Variants in SSX3 observed in about 807,000 individuals in gnomAD.
SSX3 encodes the protein SSX family member 3, also known as protein SSX3.
In SSX3, 6 loss-of-function variants were observed where a neutral mutation model predicts 14.8. The ratio of observed to expected loss-of-function variants is 0.41; its 90% CI spans 0.22 to 0.80. SSX3 has a LOEUF of 0.80. Ranked by LOEUF, SSX3 falls within the 30% of genes least tolerant of loss-of-function variation. SSX3 has a pLI of 0.34. For synonymous variants in SSX3, 55 were observed against 52.9 expected (o/e 1.04, Z -0.18); for missense variants, 163 against 152.2 (o/e 1.07, Z -0.37).
intron 5 of SSX3, 33 bp from the exon 6 acceptor site, chrX:48,350,155 T>G: frequency 8.3e-7 from 1 of 1,208,718 alleles, no homozygotes. Flanking sequence ...ATAAATAGTA[T>G]CAGTGACATT....
intron 6 of SSX3, chrX:48,348,241 C>A (rs184337982): frequency 1.1e-4 from 49 of 453,134 alleles, no homozygotes; most frequent in Non-Finnish European, 1.7e-4. Context: ...GCCTTACAAA[C>A]AATCCATTTA....
chrX:48,354,269 T>C (rs1239803503), intron 3 of SSX3, among the ~76,000 whole-genome samples, 175 bp from the exon 4 acceptor site: 6 of 102,178 alleles, frequency 5.9e-5, no homozygotes, highest in African/African-American at 2.2e-4. Context: ...AGGTGACAGA[T>C]TCAGACTGAC....
intron 7 of SSX3, 37 bp downstream of exon 7, chrX:48,347,463 T>C: frequency 8.3e-7 from 1 of 1,207,124 alleles, no homozygotes; most frequent in Non-Finnish European, 1.1e-6. Context: ...ATAGCACATC[T>C]GCAGGGATGC....
rs1278182056 is a variant in SSX3, at chrX:48,350,114, G to A, written c.339C>T (p.Pro113=). 3 of 1,211,408 alleles carry A rather than the reference G, an allele frequency of 2.5e-6. No homozygotes were observed. The highest frequency in any genetic ancestry group is 5.9e-5 in the East Asian group (2 of 33,846). The change falls in exon 6 of 8, where the codon CCC becomes CCT. Residue 113 remains proline (P), a synonymous_variant. Transcript: ENST00000298396. ...RLQGIFPKIM[P]KKPAEEGNVS... ...CATTTCCTTCCTCTGCTGGCTTCTT[G>A]GGCATGATCTTTATAATGTGAAGGT...
In SSX3 at chrX:48,354,005, T is replaced by A. The variant is rs782723573; in HGVS notation, c.274A>T (p.Asn92Tyr). Residue 92 changes from asparagine (N) to tyrosine (Y), a missense_variant, in exon 4 of 8, where the codon AAT (asparagine) becomes TAT (tyrosine). Coordinates refer to ENST00000298396, the MANE Select transcript of SSX3 (RefSeq NM_021014.4). ...CCCCTTCCCATCTACTCACCCTGAT[T>A]CCCACGGTTAGGGTCATTATCAAAA... ...NDFDNDPNRG[N>Y]QVQRPQMTFG... is the part of the protein sequence containing the mutation. 7.8e-5 allele frequency: 94 copies of A among 1,205,653 alleles called. No homozygotes were observed. The South Asian group carries it at 1.6e-3, about 20-fold the overall frequency.
At chrX:48,351,166 C>T (rs1188283136) in intron 5 of SSX3, among the ~76,000 whole-genome samples, 1 of 112,195 alleles carries the variant, frequency 8.9e-6, no homozygotes, top group Non-Finnish European at 1.9e-5. Context: ...TGTAAACACT[C>T]TTTAAATGTA....
chrX:48,348,317 T>C, intron 6 of SSX3: 2 of 508,213 alleles, frequency 3.9e-6, no homozygotes, highest in Admixed American at 2.8e-5. Flanking sequence ...TTGTGTGTAA[T>C]TGTTTTGGGG....
chrX:48,351,114 C>T (rs1270685718), intron 5 of SSX3, among the ~76,000 whole-genome samples: 1 of 111,673 alleles, frequency 9.0e-6, no homozygotes, highest in Non-Finnish European at 1.9e-5. Context: ...AAATAGTGAA[C>T]CATACATGTA....
intron 5 of SSX3, among the ~76,000 whole-genome samples, chrX:48,351,165 T>G (rs1246751859): frequency 2.7e-5 from 3 of 112,158 alleles, no homozygotes; most frequent in African/African-American, 9.7e-5. Flanking sequence ...TTGTAAACAC[T>G]CTTTAAATGT....
rs1454526133 is a variant in SSX3 at position 48,347,527 on chromosome X, C to T, written c.544G>A (p.Asp182Asn). 1 of 1,208,620 alleles carries T rather than the reference C, an allele frequency of 8.3e-7. No individual in the cohort carries two copies. The highest frequency in any genetic ancestry group is 1.1e-6 in the Non-Finnish European group (1 of 895,111). The change falls in exon 7 of 8, where the codon GAT (aspartate) becomes AAT (asparagine). Residue 182 changes from aspartate to asparagine, a missense_variant. By Grantham distance (23) the Asp-to-Asn change is conservative. Coordinates refer to ENST00000298396, the MANE Select transcript of SSX3 (RefSeq NM_021014.4). The stretch of plus-strand genomic sequence containing the variant: ...AGTTACTCATCATCTTCCTCAGGAT[C>T]GCTGATCTCTTCATAAATCACCAGC... ...KQLVIYEEIS[D>N]PEEDDE is the part of the protein sequence containing the mutation.
intron 6 of SSX3, among the ~76,000 whole-genome samples, chrX:48,348,737 G>A (rs1319691092): frequency 3.6e-5 from 4 of 112,453 alleles, no homozygotes; most frequent in African/African-American, 6.5e-5. Context: ...GTGAACACAC[G>A]AATAAGAAAG....
In SSX3 at chrX:48,348,519, G is replaced by C. The variant is rs190283804; in HGVS notation, c.467-915C>G. 322 of 480,147 alleles carry C rather than the reference G, an allele frequency of 6.7e-4. 1 individual carries two copies. In the African/African-American group the frequency reaches 7.1e-3, roughly 11 times the overall value. The allele number at this position is 480,147 out of a possible 1,213,427, so 39.6% of individuals were successfully genotyped here. A position where few individuals can be genotyped will look rare whatever the true frequency, so the allele number is the denominator to read the frequency against. ...ATGGCCGTTAAGTGTTCAAATGAAAGGAAGAGTCGCATGCCTTTCACTCTA... is the reference window on the plus strand; with the variant it reads ...ATGGCCGTTAAGTGTTCAAATGAAACGAAGAGTCGCATGCCTTTCACTCTA... On this transcript the variant is annotated intron_variant, in intron 6 of 7. Transcript: ENST00000298396.
At chrX:48,354,603 A>G (rs1307723787) in intron 3 of SSX3, 29 bp downstream of exon 3, 4 of 1,177,958 alleles carry the variant, frequency 3.4e-6, no homozygotes, top group Middle Eastern at 2.7e-4. Flanking sequence ...GTGTCCCCAG[A>G]CTTGTCTGTA....
rs781972738 is a variant in SSX3 at position 48,347,424 on chromosome X, G to T, written c.*4+76C>A. ...GAAGGGAATGATTTGGGGAGCAAGT[G>T]ACAGATGGGATGCCAGTATCATAAC... On this transcript the variant is annotated intron_variant, in intron 7 of 7. Coordinates refer to ENST00000298396, the MANE Select transcript of SSX3 (RefSeq NM_021014.4). The T allele has an allele frequency of 2.5e-6, 3 of 1,181,445 alleles. No individual in the cohort carries two copies. The South Asian group carries it at 5.4e-5, about 21-fold the overall frequency.
chrX:48,352,855 T>C (rs1372360828), intron 4 of SSX3, among the ~76,000 whole-genome samples: 3 of 112,352 alleles, frequency 2.7e-5, no homozygotes, highest in Non-Finnish European at 5.6e-5. Flanking sequence ...TTTTTCATCC[T>C]ATGTTATCTC....
At chrX:48,353,028 T>A (rs1569461612) in intron 4 of SSX3, among the ~76,000 whole-genome samples, 1 of 111,624 alleles carries the variant, frequency 9.0e-6, no homozygotes, top group South Asian at 3.8e-4. Flanking sequence ...ACATAATGTG[T>A]TCATCAACCT....
At position 48,346,905 on chromosome X, in the gene SSX3, C is replaced by T; in HGVS notation, c.*135G>A. On this transcript the variant is annotated 3_prime_UTR_variant, in exon 8 of 8. Transcript: ENST00000298396. ...GCACACTAAGAAAAATGACGCTCAA[C>T]TTTTCACTGTTGTGAACACTTGCTT... The T allele has an allele frequency of 9.0e-7, 1 of 1,108,655 alleles. No homozygotes were observed. The highest frequency in any genetic ancestry group is 1.2e-6 in the Non-Finnish European group (1 of 815,135). The allele number at this position is 1,108,655 out of a possible 1,213,427, so 91.4% of individuals were successfully genotyped here. A position where few individuals can be genotyped will look rare whatever the true frequency, so the allele number is the denominator to read the frequency against.
intron 2 of SSX3, 93 bp downstream of exon 2, chrX:48,355,088 T>C: frequency 8.3e-7 from 1 of 1,203,188 alleles, no homozygotes; most frequent in African/African-American, 1.7e-5. Flanking sequence ...CCCTGCTCCT[T>C]GTCTCCAGTA....
At chrX:48,351,958 G>A (rs1401316112) in intron 5 of SSX3, 142 bp downstream of exon 5, 23 of 761,558 alleles carry the variant, frequency 3.0e-5, no homozygotes, top group Middle Eastern at 3.3e-4. Flanking sequence ...CTATCAAGCC[G>A]TCGGTGCTAC....
Sources: gnomAD v4.1 joint callset for allele counts (sites outside exome capture counted in the v4.1 genomes callset) on GRCh38, gnomAD v4.1.1 for gene constraint, MANE v1.5 for transcripts, NCBI Gene and HGNC (gene_info 2026-07-23, HGNC 2026-07-21) for gene names.